DIP2B: variants seen among roughly 807,000 people sequenced by gnomAD.
DIP2B encodes DIP2 acetate--CoA ligase B (putative), also known as disco-interacting protein 2 homolog B.
A neutral mutation model predicts 198.0 loss-of-function variants in DIP2B; 76 were observed. The observed-to-expected ratio is 0.38, with a 90% confidence interval of 0.32 to 0.46. DIP2B has a LOEUF of 0.46. Among genes scored for constraint, DIP2B ranks in the 20% least tolerant of loss-of-function variants. The probability of loss-of-function intolerance (pLI) is 0.99; values close to 1 mark genes in which losing one functional copy is unlikely to be tolerated. For synonymous variants in DIP2B, 701 were observed against 739.1 expected, an observed-to-expected ratio of 0.95 and a Z score of 0.84; for missense variants, 1,559 against 1,978.4, an observed-to-expected ratio of 0.79 and a Z score of 4.02.
intron 3 of DIP2B, among the ~76,000 whole-genome samples, chr12:50,659,770 T>C (rs557247986): frequency 1.3e-5 from 2 of 152,332 alleles, no homozygotes; most frequent in African/African-American, 4.8e-5. Context: ...AGAAATTTTC[T>C]TTCAGTTAAG....
chr12:50,662,401 C>G (rs1938667105), intron 4 of DIP2B, among the ~76,000 whole-genome samples: 2 of 152,204 alleles, frequency 1.3e-5, no homozygotes, highest in Admixed American at 1.3e-4. Flanking sequence ...TATCTTGATG[C>G]TGTCATGCAA....
At chr12:50,636,545 GT>G (rs1938162901) in intron 2 of DIP2B, among the ~76,000 whole-genome samples, 1 of 152,196 alleles carries the variant, frequency 6.6e-6, no homozygotes, top group South Asian at 2.1e-4. Flanking sequence ...TATATAGGCA[GT>G]GCAAAAGGAG....
At chr12:50,544,222 C>CAAAA (rs148543495) in intron 1 of DIP2B, among the ~76,000 whole-genome samples, 1 of 142,890 alleles carries the variant, frequency 7.0e-6, no homozygotes, top group Non-Finnish European at 1.5e-5. Flanking sequence ...GACTCCATCT[C>CAAAA]AAAAAAAAAA....
At chr12:50,553,353 TTG>T (rs1958443283) in intron 1 of DIP2B, among the ~76,000 whole-genome samples, 1 of 152,164 alleles carries the variant, frequency 6.6e-6, no homozygotes, top group Admixed American at 6.6e-5. Flanking sequence ...GAACGACAGA[TTG>T]TGTTTGTTTT....
intron 1 of DIP2B, among the ~76,000 whole-genome samples, chr12:50,591,819 T>A (rs1038465351): frequency 1.6e-4 from 24 of 151,892 alleles, no homozygotes; most frequent in African/African-American, 5.6e-4. Flanking sequence ...CTGGCTGCTA[T>A]TTTACGTATC....
At chr12:50,735,220 TC>T in intron 34 of DIP2B, 90 bp downstream of exon 34, 1 of 1,433,084 alleles carries the variant, frequency 7.0e-7, no homozygotes, top group Non-Finnish European at 9.8e-7. Context: ...TATATTAGTG[TC>T]CAGGGCAAGC....
At chr12:50,691,487 G>C (rs1370847465) in intron 13 of DIP2B, among the ~76,000 whole-genome samples, 2 of 152,180 alleles carry the variant, frequency 1.3e-5, no homozygotes, top group Non-Finnish European at 2.9e-5. Flanking sequence ...TGGAGTCAAA[G>C]AAATTCAGCT....
intron 1 of DIP2B, among the ~76,000 whole-genome samples, chr12:50,513,612 G>A (rs757029624): frequency 9.2e-5 from 14 of 152,078 alleles, no homozygotes; most frequent in Admixed American, 7.2e-4. Flanking sequence ...GGTGGCTCAC[G>A]CCTGCAATCC....
chr12:50,623,055 A>T (rs1206362541), intron 1 of DIP2B, among the ~76,000 whole-genome samples: 1 of 152,100 alleles, frequency 6.6e-6, no homozygotes, highest in Non-Finnish European at 1.5e-5. Context: ...GAATTAATAT[A>T]AATCAGGCTT....
Position 50,685,929 on chromosome 12 carries a change from C to A in DIP2B, c.1414C>A (p.Gln472Lys). Residue 472 changes from glutamine (Q) to lysine (K), a missense_variant, in exon 11 of 38, where the codon CAG becomes AAG. Physicochemically the swap from Gln to Lys is moderately conservative, Grantham distance 53 (BLOSUM62 1). Coordinates refer to ENST00000301180, the MANE Select transcript of DIP2B (RefSeq NM_173602.3). ...EVCLKGLPKTQNGEIVQFKGW... is the reference protein window; with the variant it reads ...EVCLKGLPKTKNGEIVQFKGW... ...TTGTCTAAAAGGACTGCCAAAAACC[C>A]AGAATGGAGAAATTGTACAGTTTAA... 1 of 1,613,866 alleles carries A rather than the reference C, an allele frequency of 6.2e-7. No homozygotes were observed. The highest frequency in any genetic ancestry group is 1.1e-5 in the South Asian group (1 of 91,052).
At chr12:50,607,979 G>A (rs903916218) in intron 1 of DIP2B, among the ~76,000 whole-genome samples, 1 of 152,102 alleles carries the variant, frequency 6.6e-6, no homozygotes, top group African/African-American at 2.4e-5. Flanking sequence ...TTTTTGTAGA[G>A]ACAGGTTTTT....
Position 50,557,732 on chromosome 12 carries a change from G to C in DIP2B, c.100+52492G>C, listed in dbSNP as rs141084861. On this transcript the variant is annotated intron_variant, in intron 1 of 37. Coordinates refer to ENST00000301180, the MANE Select transcript of DIP2B (RefSeq NM_173602.3). Reference sequence around the variant, plus strand: ...ACCACTTAGCTCTAGAGGAATTTTGGTTACATAAGCTTAGTGGTGGCTTAG... The same window carrying C: ...ACCACTTAGCTCTAGAGGAATTTTGCTTACATAAGCTTAGTGGTGGCTTAG... Among the ~76,000 whole-genome samples the C allele has an allele frequency of 1.9e-3, 284 of 152,342 alleles. 1 individual carries two copies. Among genetic ancestry groups the C allele is most frequent in the Non-Finnish European group, 3.5e-3 (238 of 68,034 alleles).
intron 1 of DIP2B, among the ~76,000 whole-genome samples, chr12:50,589,191 T>A (rs1467068519): frequency 6.7e-6 from 1 of 149,948 alleles, no homozygotes; most frequent in East Asian, 2.0e-4. Flanking sequence ...CTCAAAAAAA[T>A]AAAATAAAAT....
intron 28 of DIP2B, 122 bp downstream of exon 28, chr12:50,725,008 G>A (rs574422004): frequency 1.1e-6 from 1 of 916,514 alleles, no homozygotes; most frequent in Non-Finnish European, 1.7e-6. Flanking sequence ...TAAGACAGAG[G>A]CAAAACCTAG....
intron 2 of DIP2B, among the ~76,000 whole-genome samples, chr12:50,632,813 G>A (rs560658244): frequency 1.3e-5 from 2 of 151,922 alleles, no homozygotes; most frequent in Non-Finnish European, 2.9e-5. Context: ...CTGAGATTAC[G>A]CGTGAGCCAC....
At chr12:50,647,353 A>G (rs1938368874) in intron 3 of DIP2B, among the ~76,000 whole-genome samples, 1 of 152,198 alleles carries the variant, frequency 6.6e-6, no homozygotes. Context: ...AATGGGCTTC[A>G]GAATGGAGGT....
intron 1 of DIP2B, among the ~76,000 whole-genome samples, chr12:50,513,298 T>C (rs1395465908): frequency 1.3e-5 from 2 of 152,208 alleles, no homozygotes; most frequent in African/African-American, 4.8e-5. Context: ...CTATACCCTA[T>C]ACCCTTAGTC....
At chr12:50,623,435 ACACTCTCT>A (rs1348972948) in intron 1 of DIP2B, among the ~76,000 whole-genome samples, 53 of 41,360 alleles carry the variant, frequency 1.3e-3, no homozygotes, top group Middle Eastern at 0.023. Context: ...ACACACACAC[ACACTCTCT>A]CTCTCTCTCT....
At chr12:50,518,373 C>T (rs914820242) in intron 1 of DIP2B, among the ~76,000 whole-genome samples, 1 of 151,940 alleles carries the variant, frequency 6.6e-6, no homozygotes, top group African/African-American at 2.4e-5. Flanking sequence ...TACAGGCACC[C>T]GCTACCATGC....
Sources: allele counts gnomAD v4.1 joint callset (sites outside exome capture counted in the v4.1 genomes callset), GRCh38; gene constraint gnomAD v4.1.1; transcripts MANE v1.5; gene names NCBI Gene and HGNC (gene_info 2026-07-23, HGNC 2026-07-21).